L3MBTL4: variants seen among roughly 807,000 people sequenced by gnomAD.
L3MBTL4 encodes the protein L3MBTL histone methyl-lysine binding protein 4, also known as lethal(3)malignant brain tumor-like protein 4.
A neutral mutation model predicts 84.5 loss-of-function variants in L3MBTL4; 70 were observed. The observed-to-expected ratio is 0.83, with a 90% CI of 0.68 to 1.01. The LOEUF is 1.01. Ranked by LOEUF, L3MBTL4 falls within the 50% of genes least tolerant of loss-of-function variation. L3MBTL4 has a pLI of 0.00. For missense variants in L3MBTL4, 715 were observed against 754.8 expected (o/e 0.95, Z 0.62); for synonymous variants, 274 against 259.8 (o/e 1.05, Z -0.52).
intron 13 of L3MBTL4, among the ~76,000 whole-genome samples, chr18:6,168,341 T>C (rs1311373566): frequency 1.3e-5 from 2 of 152,122 alleles, no homozygotes; most frequent in Non-Finnish European, 2.9e-5. Context: ...AAAGTTCATA[T>C]GGAACCAAAA....
intron 1 of L3MBTL4, among the ~76,000 whole-genome samples, chr18:6,361,225 C>T (rs949787758): frequency 6.6e-6 from 1 of 152,104 alleles, no homozygotes; most frequent in Non-Finnish European, 1.5e-5. Context: ...CTCAGGACCA[C>T]GGTAGCTCAA....
At chr18:6,189,188 C>T (rs1165877470) in intron 12 of L3MBTL4, among the ~76,000 whole-genome samples, 2 of 152,172 alleles carry the variant, frequency 1.3e-5, no homozygotes, top group Admixed American at 6.5e-5. Flanking sequence ...TTGCCTTCTC[C>T]TCTTCTTTTG....
chr18:6,084,234 T>C (rs752932300), intron 15 of L3MBTL4, among the ~76,000 whole-genome samples: 4 of 152,196 alleles, frequency 2.6e-5, no homozygotes, highest in African/African-American at 7.2e-5. Flanking sequence ...CATTGCTTGT[T>C]TTTGTAAACA....
At chr18:6,070,695 G>A (rs1358526793) in intron 16 of L3MBTL4, among the ~76,000 whole-genome samples, 4 of 151,894 alleles carry the variant, frequency 2.6e-5, no homozygotes, top group Admixed American at 6.6e-5. Flanking sequence ...AAAATTAGCC[G>A]GGCATGGTGG....
At chr18:6,283,407 G>A (rs552644130) in intron 4 of L3MBTL4, among the ~76,000 whole-genome samples, 1 of 152,134 alleles carries the variant, frequency 6.6e-6, no homozygotes, top group African/African-American at 2.4e-5. Context: ...AGTTTTTAAA[G>A]GTTTAGACTT....
At chr18:6,301,568 A>G (rs1264334036) in intron 4 of L3MBTL4, among the ~76,000 whole-genome samples, 2 of 152,228 alleles carry the variant, frequency 1.3e-5, no homozygotes, top group Non-Finnish European at 2.9e-5. Context: ...TCAGTCTGGG[A>G]AAAGCTCACA....
intron 16 of L3MBTL4, among the ~76,000 whole-genome samples, chr18:5,982,916 T>A (rs543720): frequency 0.33 from 49,973 of 152,090 alleles, 8,953 homozygotes; most frequent in East Asian, 0.56. Flanking sequence ...TATTTCTTAG[T>A]AACTGGTTTA....
rs116183098 is a variant in L3MBTL4 at position 5,957,110 on chromosome 18, C to A, written c.1678-723G>T. 5.6e-3 allele frequency among the ~76,000 whole-genome samples: 860 copies of A among 152,252 alleles called. 9 individuals are homozygous for A. The highest frequency in any genetic ancestry group is 0.02 in the African/African-American group (826 of 41,540). On this transcript the variant is annotated intron_variant, in intron 18 of 18. Coordinates refer to ENST00000317931, the MANE Select transcript of L3MBTL4 (RefSeq NM_001330559.2). Reference sequence around the variant, plus strand: ...GTTAGTTTTTATTTAATCCTTTCAACTTTCCTGTATTTAAATTTTTTAAAG... The same window carrying A: ...GTTAGTTTTTATTTAATCCTTTCAAATTTCCTGTATTTAAATTTTTTAAAG...
At chr18:6,064,097 C>T (rs1473849447) in intron 16 of L3MBTL4, among the ~76,000 whole-genome samples, 8 of 152,036 alleles carry the variant, frequency 5.3e-5, no homozygotes, top group South Asian at 2.1e-4. Flanking sequence ...TTCCCAGCAC[C>T]GTTTATTGAA....
intron 16 of L3MBTL4, among the ~76,000 whole-genome samples, chr18:5,996,776 C>G (rs1376158416): frequency 6.6e-6 from 1 of 152,128 alleles, no homozygotes; most frequent in Non-Finnish European, 1.5e-5. Context: ...GGGCAGGGGA[C>G]TGAGGGGCAG....
intron 16 of L3MBTL4, among the ~76,000 whole-genome samples, chr18:6,050,978 G>A (rs1013041022): frequency 3.3e-5 from 5 of 152,144 alleles, no homozygotes; most frequent in Non-Finnish European, 7.3e-5. Flanking sequence ...AGGTGCTGGT[G>A]GCAGCTGCCG....
chr18:6,071,492 T>G (rs1451181114), intron 16 of L3MBTL4, among the ~76,000 whole-genome samples: 1 of 151,158 alleles, frequency 6.6e-6, no homozygotes, highest in Admixed American at 6.6e-5. Context: ...TCCTGTTGAC[T>G]GGGTGCAGTG....
intron 14 of L3MBTL4, among the ~76,000 whole-genome samples, chr18:6,096,391 C>G (rs191110280): frequency 6.6e-6 from 1 of 152,172 alleles, no homozygotes; most frequent in Admixed American, 6.5e-5. Flanking sequence ...TAGAATGGAA[C>G]AATTCCTGAT....
intron 14 of L3MBTL4, among the ~76,000 whole-genome samples, chr18:6,134,206 C>T (rs1484582732): frequency 6.6e-6 from 1 of 152,156 alleles, no homozygotes; most frequent in African/African-American, 2.4e-5. Flanking sequence ...ACAAGAATAG[C>T]ATGGGAAAGA....
chr18:6,123,287 T>A (rs750001443), intron 14 of L3MBTL4, among the ~76,000 whole-genome samples: 8 of 152,216 alleles, frequency 5.3e-5, no homozygotes, highest in Non-Finnish European at 1.0e-4. Flanking sequence ...AGAATTATGT[T>A]GTGATGTATC....
intron 12 of L3MBTL4, among the ~76,000 whole-genome samples, chr18:6,191,061 G>A (rs1473006582): frequency 6.6e-6 from 1 of 152,168 alleles, no homozygotes; most frequent in Non-Finnish European, 1.5e-5. Flanking sequence ...TATTCTTGGG[G>A]AGACAGGAAG....
At chr18:6,071,761 A>AAAAGAAATAAAGAAAG (rs1555645501) in intron 16 of L3MBTL4, among the ~76,000 whole-genome samples, 1 of 92,156 alleles carries the variant, frequency 1.1e-5, no homozygotes, top group Non-Finnish European at 2.1e-5. Flanking sequence ...AAGAAAGAAA[A>AAAAGAAATAAAGAAAG]AAAGAAAGAA....
rs1247218941 is a variant in L3MBTL4 at position 6,414,124 on chromosome 18, C to G, written c.-91+677G>C. On this transcript the variant is annotated intron_variant, in intron 1 of 18. Coordinates refer to ENST00000317931, the MANE Select transcript of L3MBTL4 (RefSeq NM_001330559.2). The surrounding 1 kb of genome is among the most constrained non-coding windows in gnomAD (Gnocchi z 5.4). ...TGTGGCCGGCGCGCCCCCCGCAGTT[C>G]CAGGCGGTGGCAGGAGCCTGAGAGC... The G allele has an allele frequency of 6.6e-6, 1 of 152,168 alleles. No homozygotes were observed. The highest frequency in any genetic ancestry group is 1.5e-5 in the Non-Finnish European group (1 of 68,064). 9.4% of individuals were successfully genotyped at this position (152,168 alleles called of 1,614,324 possible). A position where few individuals can be genotyped will look rare whatever the true frequency, so the allele number is the denominator to read the frequency against.
chr18:6,301,597 C>G (rs771736641), intron 4 of L3MBTL4, among the ~76,000 whole-genome samples: 2 of 152,086 alleles, frequency 1.3e-5, no homozygotes, highest in Non-Finnish European at 2.9e-5. Context: ...TATTAAAAAA[C>G]TAAATAGCAT....
Sources: allele counts gnomAD v4.1 joint callset (sites outside exome capture counted in the v4.1 genomes callset), GRCh38; gene constraint gnomAD v4.1.1; non-coding constraint Gnocchi (gnomAD v3.1); transcripts MANE v1.5; gene names NCBI Gene and HGNC (gene_info 2026-07-23, HGNC 2026-07-21).